TANC1: variants seen among roughly 807,000 people sequenced by gnomAD.
TANC1 encodes protein TANC1.
TANC1 carries 77 observed loss-of-function variants against 149.7 expected under a neutral mutation model. The ratio of observed to expected loss-of-function variants is 0.51; its 90% CI spans 0.43 to 0.62. The LOEUF (loss-of-function observed/expected upper bound fraction) is 0.62, where lower values mean the gene tolerates loss of function less well. Ranked by LOEUF, TANC1 falls within the 20% of genes least tolerant of loss-of-function variation. The pLI is 0.00. For synonymous variants in TANC1, 854 were observed against 925.0 expected, an observed-to-expected ratio of 0.92 and a Z score of 1.39; for missense variants, 1,985 against 2,321.8, an observed-to-expected ratio of 0.85 and a Z score of 2.98.
intron 3 of TANC1, among the ~76,000 whole-genome samples, chr2:159,084,487 T>C (rs2044632622): frequency 6.6e-6 from 1 of 152,168 alleles, no homozygotes; most frequent in South Asian, 2.1e-4. Context: ...CCCGTTTTCC[T>C]TGTAAGGAGT....
intron 4 of TANC1, among the ~76,000 whole-genome samples, chr2:159,099,246 A>G (rs2046425004): frequency 6.6e-6 from 1 of 152,104 alleles, no homozygotes; most frequent in Non-Finnish European, 1.5e-5. Flanking sequence ...TGTGCCAAGG[A>G]ATTTGACCTG....
chr2:159,194,439 A>G lies in TANC1; in HGVS notation c.2925A>G (p.Ala975=). Residue 975 remains alanine (A), a synonymous_variant, in exon 17 of 27, where the codon GCA becomes GCG. Coordinates refer to ENST00000263635, the MANE Select transcript of TANC1 (RefSeq NM_033394.3). The stretch of plus-strand genomic sequence containing the variant: ...ACGGCATGACTGCCCTCTGTTACGC[A>G]GCAGCTGCTGGCCACATGAAGCTGG... ...SENGMTALCY[A]AAAGHMKLVC... The G allele has an allele frequency of 1.2e-6, 2 of 1,614,284 alleles. No individual in the cohort carries two copies. Among genetic ancestry groups the G allele is most frequent in the Non-Finnish European group, 1.7e-6 (2 of 1,180,056 alleles).
intron 4 of TANC1, among the ~76,000 whole-genome samples, chr2:159,105,177 G>A (rs926634619): frequency 6.0e-5 from 9 of 150,502 alleles, no homozygotes; most frequent in East Asian, 2.0e-4. Flanking sequence ...TGTATTTTTA[G>A]TAGAGACGGG....
chr2:159,066,099 G>T, intron 3 of TANC1, 128 bp downstream of exon 3: 1 of 752,924 alleles, frequency 1.3e-6, no homozygotes, highest in Non-Finnish European at 2.4e-6. Context: ...AACAAACAGT[G>T]TGCTGGAGGC....
In TANC1 at chr2:159,179,175, G is replaced by A. The variant is rs547627961; in HGVS notation, c.2510+12G>A. 139 of 1,597,772 alleles carry A rather than the reference G, an allele frequency of 8.7e-5. No homozygotes were observed. Among genetic ancestry groups the A allele is most frequent in the Middle Eastern group, 6.7e-4 (4 of 5,966 alleles). On this transcript the variant is annotated intron_variant, in intron 14 of 26. Transcript: ENST00000263635. ...CTGTGTGAGCCCAGGTACGGCAGGCGCTTTCTTTCAGCTCTTTGCAGGGAA... is the reference window on the plus strand; with the variant it reads ...CTGTGTGAGCCCAGGTACGGCAGGCACTTTCTTTCAGCTCTTTGCAGGGAA...
chr2:159,087,778 A>G (rs1187959563), intron 3 of TANC1, among the ~76,000 whole-genome samples: 1 of 151,064 alleles, frequency 6.6e-6, no homozygotes, highest in Non-Finnish European at 1.5e-5. Context: ...TCAACCCTTG[A>G]TACCTGTTAA....
intron 4 of TANC1, among the ~76,000 whole-genome samples, chr2:159,135,610 T>A (rs2050585098): frequency 6.6e-6 from 1 of 152,276 alleles, no homozygotes; most frequent in South Asian, 2.1e-4. Flanking sequence ...CTCTCCTATG[T>A]CTGACCCGCT....
chr2:159,208,994 A>G (rs987554968), intron 19 of TANC1, among the ~76,000 whole-genome samples: 1 of 152,232 alleles, frequency 6.6e-6, no homozygotes, highest in African/African-American at 2.4e-5. Context: ...TAGAGAAGGT[A>G]TAAAAATATG....
At chr2:159,129,926 C>T (rs542823413) in intron 4 of TANC1, among the ~76,000 whole-genome samples, 66 of 152,280 alleles carry the variant, frequency 4.3e-4, no homozygotes, top group African/African-American at 1.1e-3. Flanking sequence ...AGACCCCGTT[C>T]GTGCTACCAA....
intron 2 of TANC1, among the ~76,000 whole-genome samples, chr2:159,022,694 C>G (rs183751228): frequency 1.3e-5 from 2 of 152,208 alleles, no homozygotes; most frequent in East Asian, 3.9e-4. Context: ...GCTGAGATCA[C>G]ACCACTGCAC....
chr2:159,138,325 A>T (rs2050989057), intron 5 of TANC1, among the ~76,000 whole-genome samples: 1 of 152,200 alleles, frequency 6.6e-6, no homozygotes, highest in South Asian at 2.1e-4. Flanking sequence ...GCCTGAAGAT[A>T]GCCATGATGT....
intron 5 of TANC1, among the ~76,000 whole-genome samples, chr2:159,145,794 A>G (rs1256766864): frequency 6.6e-6 from 1 of 152,086 alleles, no homozygotes; most frequent in African/African-American, 2.4e-5. Context: ...TGGGGGGAGT[A>G]TTGTTCTCCA....
intron 2 of TANC1, among the ~76,000 whole-genome samples, chr2:159,016,781 A>G (rs920489222): frequency 2.6e-5 from 4 of 151,838 alleles, no homozygotes; most frequent in Admixed American, 1.3e-4. Context: ...TCACTGTGTT[A>G]GCCAGGATGG....
At chr2:159,032,784 T>C (rs559223576) in intron 2 of TANC1, among the ~76,000 whole-genome samples, 2 of 118,774 alleles carry the variant, frequency 1.7e-5, no homozygotes, top group African/African-American at 7.4e-5. Context: ...GGTGTGGGGG[T>C]TAGGAGTTCC....
chr2:158,970,878 C>G (rs2032774973), intron 1 of TANC1, among the ~76,000 whole-genome samples: 1 of 152,098 alleles, frequency 6.6e-6, no homozygotes, highest in Admixed American at 6.5e-5. Context: ...GGCACCAAGC[C>G]TTTTGGTTTG....
At chr2:159,141,616 A>G (rs1024551614) in intron 5 of TANC1, among the ~76,000 whole-genome samples, 2 of 152,212 alleles carry the variant, frequency 1.3e-5, no homozygotes, top group Non-Finnish European at 2.9e-5. Context: ...ACATCTTCGC[A>G]AGTGTCCAGC....
intron 2 of TANC1, among the ~76,000 whole-genome samples, chr2:159,043,566 G>A (rs1402357946): frequency 6.6e-6 from 1 of 152,122 alleles, no homozygotes; most frequent in Non-Finnish European, 1.5e-5. Flanking sequence ...GCGTGCTTTA[G>A]TGCACTCTTT....
intron 2 of TANC1, among the ~76,000 whole-genome samples, chr2:159,030,880 T>G (rs2149477523): frequency 6.6e-6 from 1 of 152,260 alleles, no homozygotes; most frequent in South Asian, 2.1e-4. Flanking sequence ...ATCCAGCCAC[T>G]GCAGCTGGGA....
At chr2:159,167,637 G>A (rs1051609755) in intron 8 of TANC1, among the ~76,000 whole-genome samples, 1 of 152,192 alleles carries the variant, frequency 6.6e-6, no homozygotes, top group Non-Finnish European at 1.5e-5. Context: ...GCATGCTGTC[G>A]TGAAGTCAAG....
Sources: gnomAD v4.1 joint callset for allele counts (sites outside exome capture counted in the v4.1 genomes callset) on GRCh38, gnomAD v4.1.1 for gene constraint, MANE v1.5 for transcripts, NCBI Gene and HGNC (gene_info 2026-07-23, HGNC 2026-07-21) for gene names.